Variants in GPR15LG observed in about 807,000 individuals in gnomAD.
The protein encoded by GPR15LG is protein GPR15LG.
chr10:84,184,406 C>T, the GPR15LG span, among the ~76,000 whole-genome samples: 1 of 152,166 alleles, frequency 6.6e-6, no homozygotes, highest in Non-Finnish European at 1.5e-5. Context: ...TAGGTGGGCT[C>T]CACTTAGGAT....
At chr10:84,182,541 C>T in the GPR15LG span, among the ~76,000 whole-genome samples, 1 of 152,202 alleles carries the variant, frequency 6.6e-6, no homozygotes, top group South Asian at 2.1e-4. Flanking sequence ...CTAGCCTCTC[C>T]TCCATGTGGT....
At chr10:84,176,145 C>T in the GPR15LG span, among the ~76,000 whole-genome samples, 4,538 of 152,206 alleles carry the variant, frequency 0.03, 120 homozygotes, top group Middle Eastern at 0.071. Context: ...ACCTCAGCCT[C>T]CCAAAGAGCT....
At chr10:84,176,482 A>G in the GPR15LG span, 6 of 1,612,222 alleles carry the variant, frequency 3.7e-6, no homozygotes, top group Middle Eastern at 1.6e-4. Context: ...ACCCTCAGGG[A>G]AGAGGCGTCC....
chr10:84,183,321 A>C, the GPR15LG span, among the ~76,000 whole-genome samples: 2 of 152,168 alleles, frequency 1.3e-5, no homozygotes, highest in Non-Finnish European at 2.9e-5. Context: ...CTTTGAATTT[A>C]AATAATCTGG....
At chr10:84,174,225 C>T in the GPR15LG span, among the ~76,000 whole-genome samples, 1 of 152,160 alleles carries the variant, frequency 6.6e-6, no homozygotes, top group East Asian at 1.9e-4. Context: ...TTAAGTCCTA[C>T]CTATCTAGAA....
the GPR15LG span, chr10:84,184,601 CCT>C: frequency 5.9e-6 from 8 of 1,364,998 alleles, no homozygotes; most frequent in South Asian, 6.1e-5. Context: ...ATTGTGTTTT[CCT>C]CTCTCTCCCC....
the GPR15LG span, among the ~76,000 whole-genome samples, chr10:84,178,125 C>T: frequency 6.6e-5 from 10 of 151,288 alleles, no homozygotes; most frequent in African/African-American, 1.5e-4. Context: ...ACACAACACA[C>T]GGTATAGTGA....
At chr10:84,176,591 A>G in the GPR15LG span, 1 of 1,581,620 alleles carries the variant, frequency 6.3e-7, no homozygotes, top group African/African-American at 1.3e-5. Flanking sequence ...CACCTCGTCC[A>G]GACTGTGGGG....
chr10:84,179,135 C>T, the GPR15LG span, among the ~76,000 whole-genome samples: 1 of 152,218 alleles, frequency 6.6e-6, no homozygotes, highest in East Asian at 1.9e-4. Flanking sequence ...GGGATCTCAG[C>T]TCCACCACCC....
the GPR15LG span, among the ~76,000 whole-genome samples, chr10:84,182,239 G>A: frequency 6.6e-6 from 1 of 152,238 alleles, no homozygotes; most frequent in Admixed American, 6.5e-5. Flanking sequence ...AGGAGGTGAA[G>A]AGGGCTGGCA....
At chr10:84,177,760 C>G in the GPR15LG span, among the ~76,000 whole-genome samples, 2 of 152,176 alleles carry the variant, frequency 1.3e-5, no homozygotes, top group Non-Finnish European at 2.9e-5. Context: ...GCAGGGTGAG[C>G]GCAGGCTGTG....
the GPR15LG span, among the ~76,000 whole-genome samples, chr10:84,180,991 C>T: frequency 6.6e-6 from 1 of 152,194 alleles, no homozygotes; most frequent in Non-Finnish European, 1.5e-5. Flanking sequence ...CAGGCTGAGG[C>T]AGGAGAATCA....
the GPR15LG span, among the ~76,000 whole-genome samples, chr10:84,174,912 G>A: frequency 3.6e-4 from 55 of 152,058 alleles, no homozygotes; most frequent in Non-Finnish European, 6.9e-4. Context: ...TGGGTGGGGG[G>A]AGCTGGAGCT....
At chr10:84,174,939 A>T in the GPR15LG span, among the ~76,000 whole-genome samples, 1 of 152,216 alleles carries the variant, frequency 6.6e-6, no homozygotes, top group Non-Finnish European at 1.5e-5. Flanking sequence ...ATATATAAAG[A>T]GAAGAAAAAC....
chr10:84,182,976 A>G, the GPR15LG span, among the ~76,000 whole-genome samples: 7 of 152,030 alleles, frequency 4.6e-5, no homozygotes, highest in Non-Finnish European at 8.8e-5. Flanking sequence ...AAGTTACGCT[A>G]TATATTACTA....
chr10:84,179,534 A>G, the GPR15LG span, among the ~76,000 whole-genome samples: 140 of 152,340 alleles, frequency 9.2e-4, 1 homozygote, highest in South Asian at 0.028. Flanking sequence ...TGAGTGTGCC[A>G]GGCTCCAGAA....
the GPR15LG span, among the ~76,000 whole-genome samples, chr10:84,182,935 T>C: frequency 6.6e-6 from 1 of 151,824 alleles, no homozygotes; most frequent in African/African-American, 2.4e-5. Flanking sequence ...AAAATGCTCA[T>C]GAAATGGTAA....
chr10:84,174,446 A>C, the GPR15LG span, among the ~76,000 whole-genome samples: 2 of 144,628 alleles, frequency 1.4e-5, no homozygotes, highest in Non-Finnish European at 3.0e-5. Flanking sequence ...CCATCTTTTT[A>C]CCTCTATAGA....
chr10:84,177,685 A>T, the GPR15LG span, among the ~76,000 whole-genome samples: 1 of 152,180 alleles, frequency 6.6e-6, no homozygotes, highest in East Asian at 1.9e-4. Flanking sequence ...GCCGGCCAGG[A>T]TAAAAATAAC....
Sources: allele counts gnomAD v4.1 joint callset (sites outside exome capture counted in the v4.1 genomes callset), GRCh38; gene constraint gnomAD v4.1.1; transcripts MANE v1.5; gene names NCBI Gene and HGNC (gene_info 2026-07-23, HGNC 2026-07-21).